Variants in CNTNAP1 observed in about 807,000 individuals in gnomAD.
CNTNAP1 encodes the protein contactin associated protein 1, also known as contactin-associated protein 1.
In CNTNAP1, 80 loss-of-function variants were observed where a neutral mutation model predicts 161.5. That is an observed-to-expected ratio of 0.50 (90% CI 0.41 to 0.60). The LOEUF is 0.60. Among genes scored for constraint, CNTNAP1 ranks in the 20% least tolerant of loss-of-function variants. The pLI is 0.00. For missense variants in CNTNAP1, 1,464 were observed against 1,854.8 expected (o/e 0.79, Z 3.87); for synonymous variants, 695 against 733.1 (o/e 0.95, Z 0.84).
intron 11 of CNTNAP1, 135 bp downstream of exon 11, chr17:42,689,762 A>T (rs922137465): frequency 3.1e-5 from 23 of 732,216 alleles, no homozygotes; most frequent in Non-Finnish European, 5.1e-5. Flanking sequence ...TTTTTTTGAG[A>T]CAGAGTCTTG....
intron 1 of CNTNAP1, chr17:42,683,117 G>T: frequency 1.6e-6 from 1 of 611,894 alleles, no homozygotes. Flanking sequence ...AGAGGATGAA[G>T]TCAGCGGGCA....
intron 3 of CNTNAP1, among the ~76,000 whole-genome samples, chr17:42,684,543 G>A (rs887603165): frequency 8.5e-5 from 13 of 152,140 alleles, no homozygotes; most frequent in Non-Finnish European, 1.5e-5. Context: ...GGGCAAAGCC[G>A]CCAAGCAGGG....
Position 42,685,169 on chromosome 17 carries a change from G to A in CNTNAP1, c.511+31G>A, listed in dbSNP as rs1567969669. 1.9e-6 allele frequency: 3 copies of A among 1,609,478 alleles called. No homozygotes were observed. The highest frequency in any genetic ancestry group is 3.3e-5 in the Admixed American group (2 of 59,908). On this transcript the variant is annotated intron_variant, in intron 4 of 23. Coordinates refer to ENST00000264638, the MANE Select transcript of CNTNAP1 (RefSeq NM_003632.3). This position sits in a 1 kb window ranked among gnomAD's most constrained non-coding sequence, Gnocchi z 5.0. ...TGTGCAGAGAGCGCGGAGGGGGCCTGGGAGACAGCCTCCCCAGTTCCCGGC... is the reference window on the plus strand; with the variant it reads ...TGTGCAGAGAGCGCGGAGGGGGCCTAGGAGACAGCCTCCCCAGTTCCCGGC...
At position 42,697,342 on chromosome 17, in the gene CNTNAP1, G is replaced by A; in HGVS notation, c.3543G>A (p.Lys1181=). ...LLVDSQLDSP[K]ALYLGRVMET... is the part of the protein sequence containing the mutation. ...TGGACAGCCAGTTGGACTCACCCAAGGCCTTGTATTTAGGGCGTGTGATGG... is the reference window on the plus strand; with the variant it reads ...TGGACAGCCAGTTGGACTCACCCAAAGCCTTGTATTTAGGGCGTGTGATGG... Residue 1181 remains lysine, a synonymous_variant, in exon 21 of 24, where the codon AAG becomes AAA. Coordinates refer to ENST00000264638, the MANE Select transcript of CNTNAP1 (RefSeq NM_003632.3). 4.3e-6 allele frequency: 7 copies of A among 1,614,052 alleles called. No individual in the cohort carries two copies. The highest frequency in any genetic ancestry group is 5.9e-6 in the Non-Finnish European group (7 of 1,180,016).
chr17:42,688,516 A>C lies in CNTNAP1; in HGVS notation c.1361A>C (p.Asn454Thr), dbSNP rs769642792. ...GAGGTGAATTTTGTGGCACAGGAAA[A>C]CCATGCAGTTATCAGCATTGATGAT... The part of the protein sequence containing the change: ...WHEVNFVAQE[N>T]HAVISIDDVE... The change falls in exon 9 of 24, where the codon AAC (asparagine) becomes ACC (threonine). Residue 454 changes from asparagine (N) to threonine (T), a missense_variant. Physicochemically the swap from Asn to Thr is moderately conservative, Grantham distance 65. Transcript: ENST00000264638. 39 of 1,614,004 alleles carry C rather than the reference A, an allele frequency of 2.4e-5. No individual in the cohort carries two copies. Among genetic ancestry groups the C allele is most frequent in the Non-Finnish European group, 2.8e-5 (33 of 1,180,020 alleles).
Position 42,684,981 on chromosome 17 carries a change from A to AC in CNTNAP1, c.364-5dup, listed in dbSNP as rs775228704. On this transcript the variant is annotated splice_polypyrimidine_tract_variant and intron_variant, in intron 3 of 23. Transcript: ENST00000264638. ...CAGGACGTGGTTACTACTCTCCTCC[A>AC]CCCCCGCAGACCTTCTTTGGTAACG... The AC allele has an allele frequency of 3.7e-6, 6 of 1,606,220 alleles. No individual in the cohort carries two copies. In the African/African-American group the frequency reaches 8.1e-5, roughly 22 times the overall value.
At chr17:42,688,832 T>TG in intron 9 of CNTNAP1, 44 bp from the exon 10 acceptor site, 2 of 1,609,354 alleles carry the variant, frequency 1.2e-6, no homozygotes, top group East Asian at 2.2e-5. Flanking sequence ...GGAGGGTCTT[T>TG]GGGGTCTCCC....
In CNTNAP1 at chr17:42,682,818, C is replaced by T. The variant is rs1386937957; in HGVS notation, c.-12C>T. On this transcript the variant is annotated 5_prime_UTR_variant, in exon 1 of 24. Transcript: ENST00000264638. ...TTCACAGGGAGGCGGCTGCCGGGAC[C>T]GTCAGCCCTGCATGATGCATCTCCG... 6 of 1,564,292 alleles carry T rather than the reference C, an allele frequency of 3.8e-6. No homozygotes were observed. Among genetic ancestry groups the T allele is most frequent in the Admixed American group, 1.9e-5 (1 of 53,168 alleles).
In CNTNAP1 at chr17:42,684,225, A is replaced by G; in HGVS notation, c.359A>G (p.Asn120Ser). The G allele has an allele frequency of 6.2e-7, 1 of 1,610,962 alleles. No individual in the cohort carries two copies. Among genetic ancestry groups the G allele is most frequent in the Non-Finnish European group, 8.5e-7 (1 of 1,177,790 alleles). ...SWTPFYQRGH[N>S]STFFGNVNES... ...ACACCGTTCTACCAGCGAGGGCACA[A>G]CTCGGTACTCTGGGCGCCAAGGCGG... Residue 120 changes from asparagine to serine, a missense_variant, in exon 3 of 24, where the codon AAC (asparagine) becomes AGC (serine). Asn to Ser is a conservative substitution (Grantham distance 46). Around this residue, in one of 3 missense-constraint regions of CNTNAP1, gnomAD observed 1,383 missense variants for 1,765.0 expected, o/e 0.78. Transcript: ENST00000264638.
chr17:42,688,674 C>T (rs1273087894), intron 9 of CNTNAP1, 63 bp downstream of exon 9: 2 of 1,606,646 alleles, frequency 1.2e-6, no homozygotes, highest in African/African-American at 2.7e-5. Flanking sequence ...TCTAAGTCCA[C>T]CCAGATGGGG....
chr17:42,687,536 T>G lies in CNTNAP1; in HGVS notation c.1045-184T>G. 1.3e-6 allele frequency: 1 copy of G among 743,284 alleles called. No individual in the cohort carries two copies. The highest frequency in any genetic ancestry group is 2.2e-6 in the Non-Finnish European group (1 of 459,202). The allele number at this position is 743,284 out of a possible 1,614,324, so 46.0% of individuals were successfully genotyped here. A position where few individuals can be genotyped will look rare whatever the true frequency, so the allele number is the denominator to read the frequency against. Reference sequence around the variant, plus strand: ...AGCAGAGTTCCGAGGGCCGACTGGGTTGGGGCCCCCTCCACAGATGGACGA... The same window carrying G: ...AGCAGAGTTCCGAGGGCCGACTGGGGTGGGGCCCCCTCCACAGATGGACGA... On this transcript the variant is annotated intron_variant, in intron 7 of 23. Coordinates refer to ENST00000264638, the MANE Select transcript of CNTNAP1 (RefSeq NM_003632.3). This position sits in a 1 kb window ranked among gnomAD's most constrained non-coding sequence, Gnocchi z 4.7.
Position 42,684,229 on chromosome 17 carries a change from G to T in CNTNAP1, c.363G>T (p.Ser121=), listed in dbSNP as rs2052976444. The T allele has an allele frequency of 1.2e-6, 2 of 1,610,452 alleles. No homozygotes were observed. The highest frequency in any genetic ancestry group is 1.7e-6 in the Non-Finnish European group (2 of 1,177,476). Residue 121 remains serine, a splice_region_variant and synonymous_variant, in exon 3 of 24, where the codon TCG becomes TCT. Coordinates refer to ENST00000264638, the MANE Select transcript of CNTNAP1 (RefSeq NM_003632.3). ...CGTTCTACCAGCGAGGGCACAACTCGGTACTCTGGGCGCCAAGGCGGTAAC... is the reference window on the plus strand; with the variant it reads ...CGTTCTACCAGCGAGGGCACAACTCTGTACTCTGGGCGCCAAGGCGGTAAC... ...WTPFYQRGHN[S]TFFGNVNESA...
intron 20 of CNTNAP1, 24 bp from the exon 21 acceptor site, chr17:42,697,250 T>G: frequency 2.3e-5 from 29 of 1,248,110 alleles, no homozygotes; most frequent in Non-Finnish European, 3.3e-5. Flanking sequence ...CTCATCGCCC[T>G]CCCCCTCCCC....
chr17:42,698,542 T>TGC (rs1266387872), intron 23 of CNTNAP1, 76 bp from the exon 24 acceptor site: 2 of 1,162,162 alleles, frequency 1.7e-6, no homozygotes, highest in Non-Finnish European at 2.4e-6. Context: ...TGCGTGTGTG[T>TGC]GTGTGTGTGT....
chr17:42,693,324 T>G lies in CNTNAP1; in HGVS notation c.2780T>G (p.Phe927Cys). ...VGSAELKRRPFVGCLRAMRLN... is the reference protein window; with the variant it reads ...VGSAELKRRPCVGCLRAMRLN... ...TCTGCAGAGCTTAAGAGACGCCCCT[T>G]TGTGGGTTGCTTGAGGGCCATGCGT... is the stretch of plus-strand genomic sequence containing the variant. The change falls in exon 18 of 24, where the codon TTT becomes TGT. Residue 927 changes from phenylalanine (F) to cysteine (C), a missense_variant. Coordinates refer to ENST00000264638, the MANE Select transcript of CNTNAP1 (RefSeq NM_003632.3). The G allele has an allele frequency of 6.2e-7, 1 of 1,614,140 alleles. No homozygotes were observed. Among genetic ancestry groups the G allele is most frequent in the Non-Finnish European group, 8.5e-7 (1 of 1,180,018 alleles).
intron 20 of CNTNAP1, among the ~76,000 whole-genome samples, chr17:42,696,983 G>C (rs889702454): frequency 6.6e-6 from 1 of 151,882 alleles, no homozygotes; most frequent in Admixed American, 6.6e-5. Context: ...AGACCAACCT[G>C]AGCAACATAG....
intron 1 of CNTNAP1, chr17:42,683,198 T>C (rs1450996192): frequency 7.4e-6 from 4 of 539,648 alleles, no homozygotes; most frequent in East Asian, 3.8e-5. Context: ...GATAAGTGTA[T>C]ACTGGTGACC....
intron 1 of CNTNAP1, 28 bp from the exon 2 acceptor site, chr17:42,683,793 T>C (rs2143644245): frequency 6.4e-7 from 1 of 1,555,114 alleles, no homozygotes; most frequent in South Asian, 1.1e-5. Flanking sequence ...GGGCCAGCGC[T>C]GACTAACAGT....
chr17:42,686,469 G>GTTTTGTTTT (rs1555642203), intron 6 of CNTNAP1, among the ~76,000 whole-genome samples: 3 of 71,364 alleles, frequency 4.2e-5, no homozygotes, highest in African/African-American at 1.7e-4. Flanking sequence ...AAAAAGGCCT[G>GTTTTGTTTT]TTTTTTTTTT....
Sources: allele counts gnomAD v4.1 joint callset (sites outside exome capture counted in the v4.1 genomes callset), GRCh38; gene constraint gnomAD v4.1.1; regional missense constraint gnomAD v4.1.1; non-coding constraint Gnocchi (gnomAD v3.1); transcripts MANE v1.5; gene names NCBI Gene and HGNC (gene_info 2026-07-23, HGNC 2026-07-21).